The following TENM4 variants were observed in gnomAD, a reference collection of about 807,000 sequenced individuals.
TENM4 encodes the protein teneurin-4.
A neutral mutation model predicts 243.3 loss-of-function variants in TENM4; 82 were observed. The ratio of observed to expected loss-of-function variants is 0.34; its 90% CI spans 0.28 to 0.40. TENM4 has a LOEUF of 0.40. Among genes scored for constraint, TENM4 ranks in the 10% least tolerant of loss-of-function variants. The pLI, the probability that TENM4 is intolerant of heterozygous loss-of-function variation, is 1.00. For synonymous variants in TENM4, 1,412 were observed against 1,456.3 expected, an observed-to-expected ratio of 0.97 and a Z score of 0.69; for missense variants, 3,138 against 3,673.3, an observed-to-expected ratio of 0.85 and a Z score of 3.77.
At chr11:78,700,098 A>T (rs1200957192) in intron 28 of TENM4, among the ~76,000 whole-genome samples, 1 of 152,262 alleles carries the variant, frequency 6.6e-6, no homozygotes, top group Non-Finnish European at 1.5e-5. Context: ...TATATTTAAA[A>T]ATCAACTACA....
chr11:78,955,568 A>G lies in TENM4; in HGVS notation c.494-52045T>C, dbSNP rs559645776. Among the ~76,000 whole-genome samples, 6 of 150,328 alleles carry G rather than the reference A, an allele frequency of 4.0e-5. No individual in the cohort carries two copies. In the South Asian group the frequency reaches 1.3e-3, roughly 32 times the overall value. On this transcript the variant is annotated intron_variant, in intron 6 of 33. Coordinates refer to ENST00000278550, the MANE Select transcript of TENM4 (RefSeq NM_001098816.3). Reference sequence around the variant, plus strand: ...ATTCCTAGGTCCAATCAAGCCATACATGGAAAAGTGTTATTTTTGTACCTT... The same window carrying G: ...ATTCCTAGGTCCAATCAAGCCATACGTGGAAAAGTGTTATTTTTGTACCTT...
chr11:78,981,558 C>G (rs1358327575), intron 6 of TENM4, among the ~76,000 whole-genome samples: 1 of 152,286 alleles, frequency 6.6e-6, no homozygotes, highest in African/African-American at 2.4e-5. Context: ...ACCGGCCAAT[C>G]TGATATGAGG....
intron 1 of TENM4, among the ~76,000 whole-genome samples, chr11:79,375,738 C>G (rs537643279): frequency 2.0e-5 from 3 of 152,116 alleles, no homozygotes; most frequent in Admixed American, 2.0e-4. Flanking sequence ...TGTATAAATG[C>G]AATAAAAGAA....
At chr11:78,693,220 T>C (rs934537326) in intron 28 of TENM4, among the ~76,000 whole-genome samples, 12 of 152,360 alleles carry the variant, frequency 7.9e-5, no homozygotes, top group African/African-American at 2.9e-4. Context: ...GAAAGGTCAC[T>C]AATATTCATG....
intron 1 of TENM4, among the ~76,000 whole-genome samples, chr11:79,439,975 G>A (rs975715640): frequency 6.6e-6 from 1 of 152,036 alleles, no homozygotes; most frequent in Non-Finnish European, 1.5e-5. Context: ...CGAGGAGCTG[G>A]GGTCGCATCT....
chr11:79,259,669 CCAT>C lies in TENM4; in HGVS notation c.-265+37816_-265+37818del, dbSNP rs1220948218. 8.0e-5 allele frequency among the ~76,000 whole-genome samples: 12 copies of C among 150,226 alleles called. No homozygotes were observed. The East Asian group carries it at 1.8e-3, about 23-fold the overall frequency. On this transcript the variant is annotated intron_variant, in intron 2 of 33. Transcript: ENST00000278550. ...TCCATCCATCCATCTATCCATCCATCCATCCATCCATCCATCCATCCATCCATC... is the reference window on the plus strand; with the variant it reads ...TCCATCCATCCATCTATCCATCCATCCCATCCATCCATCCATCCATCCATC...
rs147790063 is a variant in TENM4 at position 78,979,743 on chromosome 11, G to A, written c.494-76220C>T. 7.0e-4 allele frequency among the ~76,000 whole-genome samples: 95 copies of A among 135,852 alleles called. No homozygotes were observed. The Middle Eastern group carries it at 0.012, about 17-fold the overall frequency. 89.1% of individuals were successfully genotyped at this position (135,852 alleles called of 152,430 possible). On this transcript the variant is annotated intron_variant, in intron 6 of 33. Transcript: ENST00000278550. ...GGGATGGTGGTAAACAAATGACTGAGGAGACAGGCCATGTTCACATCCTAT... is the reference window on the plus strand; with the variant it reads ...GGGATGGTGGTAAACAAATGACTGAAGAGACAGGCCATGTTCACATCCTAT...
chr11:79,115,609 G>A (rs1861602324), intron 4 of TENM4, among the ~76,000 whole-genome samples: 1 of 152,154 alleles, frequency 6.6e-6, no homozygotes, highest in African/African-American at 2.4e-5. Context: ...GTATCCAACT[G>A]TCTTTATTCC....
intron 25 of TENM4, among the ~76,000 whole-genome samples, chr11:78,720,133 C>T (rs1859611070): frequency 6.6e-6 from 1 of 152,196 alleles, no homozygotes; most frequent in South Asian, 2.1e-4. Flanking sequence ...TCCCATATTA[C>T]TTTCAGACTA....
At chr11:78,941,778 C>T (rs1024932737) in intron 6 of TENM4, among the ~76,000 whole-genome samples, 1 of 152,194 alleles carries the variant, frequency 6.6e-6, no homozygotes, top group Non-Finnish European at 1.5e-5. Flanking sequence ...CTGAAATGGG[C>T]AGAGAGCTGA....
At chr11:79,373,324 GGCTGGCTGGATGGATGGA>G (rs1857824014) in intron 1 of TENM4, among the ~76,000 whole-genome samples, 1 of 105,242 alleles carries the variant, frequency 9.5e-6, no homozygotes, top group African/African-American at 4.5e-5. Context: ...CTGGCTGGCT[GGCTGGCTGGATGGATGGA>G]TGGATGGATG....
intron 6 of TENM4, among the ~76,000 whole-genome samples, chr11:78,945,859 C>G (rs1261677982): frequency 6.6e-6 from 1 of 152,186 alleles, no homozygotes; most frequent in East Asian, 1.9e-4. Flanking sequence ...AGCAAAGGCC[C>G]TAACTCTTTT....
chr11:79,378,635 C>T (rs756554361), intron 1 of TENM4, among the ~76,000 whole-genome samples: 4 of 152,094 alleles, frequency 2.6e-5, no homozygotes, highest in South Asian at 2.1e-4. Flanking sequence ...GTTGAATCCT[C>T]GAACCACCAC....
intron 20 of TENM4, among the ~76,000 whole-genome samples, chr11:78,734,660 A>C (rs1289579854): frequency 6.6e-6 from 1 of 152,012 alleles, no homozygotes; most frequent in African/African-American, 2.4e-5. Context: ...CCTAACTATC[A>C]AACTGTATAG....
At chr11:79,296,328 G>GAT (rs1856453643) in intron 2 of TENM4, among the ~76,000 whole-genome samples, 1 of 151,236 alleles carries the variant, frequency 6.6e-6, no homozygotes, top group Non-Finnish European at 1.5e-5. Flanking sequence ...AGGGGGCCGG[G>GAT]GGGCTGTGTC....
chr11:78,949,403 G>A (rs1486297974), intron 6 of TENM4, among the ~76,000 whole-genome samples: 1 of 152,352 alleles, frequency 6.6e-6, no homozygotes, highest in Admixed American at 6.5e-5. Flanking sequence ...CATACATTGA[G>A]AGGAAGTCAA....
chr11:79,008,457 C>T (rs781740892), intron 6 of TENM4, among the ~76,000 whole-genome samples: 1 of 152,196 alleles, frequency 6.6e-6, no homozygotes, highest in African/African-American at 2.4e-5. Flanking sequence ...TCACACAACA[C>T]TATTAACATT....
At chr11:78,980,688 C>G (rs189433946) in intron 6 of TENM4, among the ~76,000 whole-genome samples, 10 of 152,244 alleles carry the variant, frequency 6.6e-5, no homozygotes, top group Non-Finnish European at 1.0e-4. Context: ...GCTGTACAAC[C>G]GTGGGCAAAG....
At chr11:78,942,184 G>A (rs1306766224) in intron 6 of TENM4, among the ~76,000 whole-genome samples, 2 of 141,894 alleles carry the variant, frequency 1.4e-5, no homozygotes, top group African/African-American at 5.1e-5. Context: ...AGGCCAAGTT[G>A]GGTAGATGGC....
Sources: allele counts gnomAD v4.1 joint callset (sites outside exome capture counted in the v4.1 genomes callset), GRCh38; gene constraint gnomAD v4.1.1; transcripts MANE v1.5; gene names NCBI Gene and HGNC (gene_info 2026-07-23, HGNC 2026-07-21).